The following ASPA variants were observed in gnomAD, a reference collection of about 807,000 sequenced individuals.
ASPA encodes the protein ACY-2.
In ASPA, 25 loss-of-function variants were observed where a neutral mutation model predicts 29.6. That is an observed-to-expected ratio of 0.85 (90% CI 0.62 to 1.18). The LOEUF (loss-of-function observed/expected upper bound fraction) is 1.18. Ranked by LOEUF, ASPA falls within the 50% of genes most tolerant of loss-of-function variation. The pLI is 0.00. For missense variants in ASPA, 333 were observed against 385.7 expected (o/e 0.86, Z 1.14); for synonymous variants, 131 against 130.3 (o/e 1.01, Z -0.04).
rs759018576 is a variant in ASPA at position 3,499,007 on chromosome 17, A to G, written c.861A>G (p.Ala287=). ...ACCCCGTGTTTGTGAATGAGGCCGC[A>G]TATTACGAAAAGAAAGAAGCTTTTG... ...TVYPVFVNEA[A]YYEKKEAFAK... The change falls in exon 6 of 6, where the codon GCA becomes GCG. Residue 287 remains alanine, a synonymous_variant. Coordinates refer to ENST00000263080, the MANE Select transcript of ASPA (RefSeq NM_000049.4). The G allele has an allele frequency of 3.1e-6, 5 of 1,614,252 alleles. No homozygotes were observed. Among genetic ancestry groups the G allele is most frequent in the Non-Finnish European group, 4.2e-6 (5 of 1,180,038 alleles).
chr17:3,484,912 C>T (rs1597433873), intron 3 of ASPA, among the ~76,000 whole-genome samples: 1 of 152,314 alleles, frequency 6.6e-6, no homozygotes, highest in East Asian at 1.9e-4. Context: ...ACTCTCTGTT[C>T]CCTATCCCCT....
intron 3 of ASPA, among the ~76,000 whole-genome samples, chr17:3,484,158 A>C (rs1401171421): frequency 6.6e-6 from 1 of 152,022 alleles, no homozygotes; most frequent in African/African-American, 2.4e-5. Flanking sequence ...AATTCTTCTC[A>C]TTCTCAAGAT....
chr17:3,480,906 CA>C (rs2073615941), intron 1 of ASPA, among the ~76,000 whole-genome samples: 1 of 152,268 alleles, frequency 6.6e-6, no homozygotes, highest in African/African-American at 2.4e-5. Context: ...TTTGCAAAGG[CA>C]GTTTTAGTTC....
rs1443405213 is a variant in ASPA, at chr17:3,476,053, C to T, written c.-107C>T. 2 of 1,053,072 alleles carry T rather than the reference C, an allele frequency of 1.9e-6. No homozygotes were observed. The highest frequency in any genetic ancestry group is 2.9e-6 in the Non-Finnish European group (2 of 699,844). 65.2% of individuals were successfully genotyped at this position (1,053,072 alleles called of 1,614,324 possible). The stretch of plus-strand genomic sequence containing the variant: ...CACTCAAGGGAATTCTGTACTTTGC[C>T]CTTTGGGTAAAGTCTCATTTACATT... On this transcript the variant is annotated 5_prime_UTR_variant, in exon 1 of 6. Transcript: ENST00000263080.
intron 5 of ASPA, 86 bp from the exon 6 acceptor site, chr17:3,498,805 A>G (rs866693885): frequency 1.6e-6 from 2 of 1,241,270 alleles, no homozygotes; most frequent in South Asian, 1.9e-5. Flanking sequence ...AGAATACTGT[A>G]ATTTGTTAGT....
intron 4 of ASPA, among the ~76,000 whole-genome samples, chr17:3,492,283 G>A (rs904662545): frequency 1.3e-5 from 2 of 152,178 alleles, no homozygotes; most frequent in African/African-American, 2.4e-5. Flanking sequence ...AGAACAATAC[G>A]GAGAATACTC....
In ASPA at chr17:3,490,937, A is replaced by G. The variant is rs1471106960; in HGVS notation, c.634+1595A>G. ...TTTAAGCAAAGGATTCGGCAAATCAAAAATTGTCAACCACGATTAATTTAG... is the reference window on the plus strand; with the variant it reads ...TTTAAGCAAAGGATTCGGCAAATCAGAAATTGTCAACCACGATTAATTTAG... On this transcript the variant is annotated intron_variant, in intron 4 of 5. Transcript: ENST00000263080. This position sits in a 1 kb window ranked among gnomAD's most constrained non-coding sequence, Gnocchi z 4.6. 6.6e-6 allele frequency among the ~76,000 whole-genome samples: 1 copy of G among 152,208 alleles called. No individual in the cohort carries two copies. Among genetic ancestry groups the G allele is most frequent in the Non-Finnish European group, 1.5e-5 (1 of 68,038 alleles).
intron 4 of ASPA, among the ~76,000 whole-genome samples, chr17:3,492,739 G>C (rs2073845667): frequency 6.6e-6 from 1 of 152,162 alleles, no homozygotes; most frequent in Non-Finnish European, 1.5e-5. Flanking sequence ...AACAGACAGA[G>C]TCATGCAACT....
intron 4 of ASPA, among the ~76,000 whole-genome samples, chr17:3,491,170 A>T (rs1417280087): frequency 1.3e-5 from 2 of 152,226 alleles, no homozygotes; most frequent in Non-Finnish European, 2.9e-5. Flanking sequence ...GATAGCAGGA[A>T]AACATCCTGG....
chr17:3,476,279 G>C lies in ASPA; in HGVS notation c.120G>C (p.Glu40Asp). Residue 40 changes from glutamate (E) to aspartate (D), a missense_variant, in exon 1 of 6, where the codon GAG (glutamate) becomes GAC (aspartate). Coordinates refer to ENST00000263080, the MANE Select transcript of ASPA (RefSeq NM_000049.4). ...AGCATTGGCTAGAGAATGGCGCTGA[G>C]ATTCAGAGAACAGGGCTGGAGGTAA... ...LVKHWLENGA[E>D]IQRTGLEVKP... The C allele has an allele frequency of 6.2e-7, 1 of 1,614,172 alleles. No homozygotes were observed. Among genetic ancestry groups the C allele is most frequent in the Non-Finnish European group, 8.5e-7 (1 of 1,180,032 alleles).
intron 1 of ASPA, 91 bp downstream of exon 1, chr17:3,476,486 A>G: frequency 8.4e-7 from 1 of 1,189,400 alleles, no homozygotes; most frequent in Non-Finnish European, 1.2e-6. Context: ...TATGCAGATG[A>G]TAATTCATGT....
rs2073799084 is a variant in ASPA at position 3,490,118 on chromosome 17, C to T, written c.634+776C>T. Among the ~76,000 whole-genome samples the T allele has an allele frequency of 6.6e-6, 1 of 152,144 alleles. No individual in the cohort carries two copies. On this transcript the variant is annotated intron_variant, in intron 4 of 5. Transcript: ENST00000263080. The surrounding 1 kb of genome is among the most constrained non-coding windows in gnomAD (Gnocchi z 4.6). The stretch of plus-strand genomic sequence containing the variant: ...AGGATACATATATATGTTAACACAT[C>T]ACAGGGAAAGTCCTAGAAGAAAACA...
At chr17:3,481,212 A>G (rs1008718753) in intron 1 of ASPA, among the ~76,000 whole-genome samples, 3 of 152,100 alleles carry the variant, frequency 2.0e-5, no homozygotes, top group East Asian at 1.9e-4. Flanking sequence ...AAAGTGGGGG[A>G]AAAAAAGATG....
chr17:3,486,739 A>G (rs1399095813), intron 3 of ASPA, among the ~76,000 whole-genome samples: 1 of 152,264 alleles, frequency 6.6e-6, no homozygotes, highest in Admixed American at 6.5e-5. Context: ...GTTGGCAAAC[A>G]ATATAAATAA....
At chr17:3,479,555 A>C (rs1439764064) in intron 1 of ASPA, among the ~76,000 whole-genome samples, 3 of 152,074 alleles carry the variant, frequency 2.0e-5, no homozygotes, top group African/African-American at 7.2e-5. Flanking sequence ...GGCTCCTTCT[A>C]CCTTCCCACA....
chr17:3,484,564 T>C (rs1484144437), intron 3 of ASPA, among the ~76,000 whole-genome samples: 4 of 152,228 alleles, frequency 2.6e-5, no homozygotes, highest in Middle Eastern at 3.2e-3. Flanking sequence ...AACAGGATTC[T>C]AGACAAGTGT....
intron 4 of ASPA, among the ~76,000 whole-genome samples, chr17:3,492,017 C>T (rs2073834951): frequency 6.6e-6 from 1 of 151,624 alleles, no homozygotes; most frequent in South Asian, 2.1e-4. Context: ...GCTGGGACTA[C>T]AGGCGTGCAC....
intron 3 of ASPA, among the ~76,000 whole-genome samples, chr17:3,487,073 C>CATGTGTGTGT (rs141155264): frequency 6.6e-6 from 1 of 150,770 alleles, no homozygotes; most frequent in Non-Finnish European, 1.5e-5. Flanking sequence ...TGTGTGTGTG[C>CATGTGTGTGT]GTGTGTGTGT....
rs1409409499 is a variant in ASPA at position 3,502,661 on chromosome 17, A to C, written c.*3573A>C. 1.3e-5 allele frequency: 2 copies of C among 152,284 alleles called. No individual in the cohort carries two copies. The highest frequency in any genetic ancestry group is 2.9e-5 in the Non-Finnish European group (2 of 68,058). 9.4% of individuals were successfully genotyped at this position (152,284 alleles called of 1,614,324 possible). On this transcript the variant is annotated 3_prime_UTR_variant, in exon 6 of 6. Transcript: ENST00000263080. ...TTTGTCCACAAACAGTAACCCACAC[A>C]GCATTGCTACTGTGGCATGCCCACT...
Sources: allele counts gnomAD v4.1 joint callset (sites outside exome capture counted in the v4.1 genomes callset), GRCh38; gene constraint gnomAD v4.1.1; non-coding constraint Gnocchi (gnomAD v3.1); transcripts MANE v1.5; gene names NCBI Gene and HGNC (gene_info 2026-07-23, HGNC 2026-07-21).